ERCC6: variants seen among roughly 807,000 people sequenced by gnomAD.
The protein encoded by ERCC6 is DNA excision repair protein ERCC-6.
In ERCC6, 116 loss-of-function variants were observed where a neutral mutation model predicts 158.7. The ratio of observed to expected loss-of-function variants is 0.73; its 90% CI spans 0.63 to 0.85. ERCC6 has a LOEUF of 0.85. Ranked by LOEUF, ERCC6 falls within the 40% of genes least tolerant of loss-of-function variation. The pLI is 0.00. For synonymous variants in ERCC6, 678 were observed against 659.3 expected (o/e 1.03, Z -0.43); for missense variants, 1,698 against 1,799.4 (o/e 0.94, Z 1.02).
At position 49,482,714 on chromosome 10, in the gene ERCC6, C is replaced by T. The variant is rs755395023; in HGVS notation, c.2142G>A (p.Gly714=). Residue 714 remains glycine, a synonymous_variant, in exon 10 of 21, where the codon GGG becomes GGA. Coordinates refer to ENST00000355832, the MANE Select transcript of ERCC6 (RefSeq NM_000124.4). ...MEQFSVPITM[G]GYSNASPVQV... is the part of the protein sequence containing the mutation. ...GTACTGGGGAAGCATTTGAATATCCCCCCATGGTGATGGGGACGGAGAACT... is the reference window on the plus strand; with the variant it reads ...GTACTGGGGAAGCATTTGAATATCCTCCCATGGTGATGGGGACGGAGAACT... The T allele has an allele frequency of 1.9e-6, 3 of 1,613,640 alleles. No individual in the cohort carries two copies. The highest frequency in any genetic ancestry group is 1.3e-5 in the African/African-American group (1 of 74,768).
At chr10:49,446,254 C>T in the ERCC6 span, among the ~76,000 whole-genome samples, 1 of 99,578 alleles carries the variant, frequency 1.0e-5, no homozygotes, top group African/African-American at 3.4e-5. Flanking sequence ...CACACACACA[C>T]ACACCCCCCA....
chr10:49,521,868 T>C (rs1554792920), intron 5 of ERCC6, among the ~76,000 whole-genome samples: 1 of 152,080 alleles, frequency 6.6e-6, no homozygotes, highest in Non-Finnish European at 1.5e-5. Flanking sequence ...GGAAAATTCC[T>C]AGTAAGTATC....
At chr10:49,536,352 G>T (rs1204457035) in intron 1 of ERCC6, among the ~76,000 whole-genome samples, 1 of 152,124 alleles carries the variant, frequency 6.6e-6, no homozygotes, top group African/African-American at 2.4e-5. Context: ...TGGCTGGAGG[G>T]AGACAGAGGA....
downstream of ERCC6, among the ~76,000 whole-genome samples, chr10:49,454,436 G>A (rs1367084164): frequency 6.6e-6 from 1 of 152,120 alleles, no homozygotes; most frequent in African/African-American, 2.4e-5. Flanking sequence ...AGTGTGTTGT[G>A]GCTGAAATGT....
intron 5 of ERCC6, among the ~76,000 whole-genome samples, chr10:49,511,881 G>C (rs1348518887): frequency 6.6e-6 from 1 of 152,106 alleles, no homozygotes; most frequent in East Asian, 1.9e-4. Context: ...ACTGGTAAGG[G>C]GAGGCCTGAA....
chr10:49,512,504 CATT>C (rs1356260238), intron 5 of ERCC6, among the ~76,000 whole-genome samples: 2 of 152,158 alleles, frequency 1.3e-5, no homozygotes, highest in South Asian at 4.1e-4. Context: ...GATATTTTAT[CATT>C]AAGTGGGCCT....
chr10:49,484,982 C>A (rs1222959800), intron 8 of ERCC6, among the ~76,000 whole-genome samples: 1 of 152,194 alleles, frequency 6.6e-6, no homozygotes, highest in Non-Finnish European at 1.5e-5. Flanking sequence ...ATAAAATAAA[C>A]AAATTCCAGC....
intron 8 of ERCC6, among the ~76,000 whole-genome samples, chr10:49,484,770 G>C (rs1002731896): frequency 1.3e-5 from 2 of 152,116 alleles, no homozygotes; most frequent in Non-Finnish European, 2.9e-5. Flanking sequence ...AAAATAAGGA[G>C]AAAATGTCAT....
chr10:49,465,499 G>A (rs1294855615), intron 18 of ERCC6, among the ~76,000 whole-genome samples: 1 of 152,188 alleles, frequency 6.6e-6, no homozygotes, highest in Non-Finnish European at 1.5e-5. Context: ...GTTTTAAAAT[G>A]TGAAGATATG....
intron 4 of ERCC6, 30 bp from the exon 5 acceptor site, chr10:49,524,807 C>A (rs1173926783): frequency 1.3e-6 from 2 of 1,598,752 alleles, no homozygotes; most frequent in Middle Eastern, 1.7e-4. Context: ...GCGTTTCGCA[C>A]TAGCATGAAA....
rs1293406842 is a variant in ERCC6 at position 49,524,026 on chromosome 10, G to C, written c.1397+7C>G. On this transcript the variant is annotated splice_region_variant and intron_variant, in intron 5 of 20. Coordinates refer to ENST00000355832, the MANE Select transcript of ERCC6 (RefSeq NM_000124.4). ...GTACAATGTATTTATAATCCCCACA[G>C]ACCGACCTTAACCGCTGCTTATAAT... The C allele has an allele frequency of 6.2e-7, 1 of 1,612,796 alleles. No homozygotes were observed. Among genetic ancestry groups the C allele is most frequent in the Admixed American group, 1.7e-5 (1 of 59,972 alleles).
intron 1 of ERCC6, among the ~76,000 whole-genome samples, chr10:49,534,194 C>T (rs1837543721): frequency 6.7e-6 from 1 of 148,786 alleles, no homozygotes; most frequent in Non-Finnish European, 1.5e-5. Flanking sequence ...TATAATTTCT[C>T]ACCCATCAGG....
At chr10:49,437,891 C>G in the ERCC6 span, among the ~76,000 whole-genome samples, 1 of 151,974 alleles carries the variant, frequency 6.6e-6, no homozygotes, top group Non-Finnish European at 1.5e-5. Flanking sequence ...TTTAAATAAC[C>G]ATTTGAGAAT....
chr10:49,519,659 A>C (rs375136439), intron 5 of ERCC6, among the ~76,000 whole-genome samples: 67 of 152,328 alleles, frequency 4.4e-4, no homozygotes, highest in African/African-American at 1.5e-3. Context: ...TCGGGGATTT[A>C]TCCCAGAGGC....
At chr10:49,528,346 A>G (rs1157328242) in intron 4 of ERCC6, 71 bp downstream of exon 4, 1 of 1,558,212 alleles carries the variant, frequency 6.4e-7, no homozygotes, top group African/African-American at 1.4e-5. Flanking sequence ...GACTAAAGAG[A>G]CACCCTCCAC....
intron 18 of ERCC6, among the ~76,000 whole-genome samples, chr10:49,462,552 G>T (rs1850602437): frequency 6.6e-6 from 1 of 151,802 alleles, no homozygotes; most frequent in South Asian, 2.1e-4. Context: ...AACCAATGAG[G>T]AAATACTTGT....
intron 7 of ERCC6, among the ~76,000 whole-genome samples, chr10:49,499,154 G>C (rs1006182474): frequency 6.6e-6 from 1 of 152,146 alleles, no homozygotes; most frequent in African/African-American, 2.4e-5. Flanking sequence ...AAATGTAATA[G>C]AATTCTCATC....
chr10:49,521,106 G>A (rs1444221717), intron 5 of ERCC6, among the ~76,000 whole-genome samples: 1 of 152,138 alleles, frequency 6.6e-6, no homozygotes, highest in African/African-American at 2.4e-5. Flanking sequence ...CAAATTTTTT[G>A]CCAGAAACCC....
chr10:49,472,839 A>G (rs974545372), intron 15 of ERCC6, 70 bp downstream of exon 15: 1 of 1,563,062 alleles, frequency 6.4e-7, no homozygotes, highest in Non-Finnish European at 8.7e-7. Context: ...ATCAAAGGAC[A>G]GTCAAAAGCG....
Sources: allele counts gnomAD v4.1 joint callset (sites outside exome capture counted in the v4.1 genomes callset), GRCh38; gene constraint gnomAD v4.1.1; transcripts MANE v1.5; gene names NCBI Gene and HGNC (gene_info 2026-07-23, HGNC 2026-07-21).